The following TSPAN32 variants were observed in gnomAD, a reference collection of about 807,000 sequenced individuals.
TSPAN32 encodes the protein tetraspanin 32, also known as tetraspanin-32.
A neutral mutation model predicts 42.7 loss-of-function variants in TSPAN32; 47 were observed. The ratio of observed to expected loss-of-function variants is 1.10; its 90% CI spans 0.87 to 1.40. The LOEUF is 1.40. Among genes scored for constraint, TSPAN32 ranks in the 40% most tolerant of loss-of-function variants. The probability of loss-of-function intolerance (pLI) is 0.00; values close to 1 mark genes in which losing one functional copy is unlikely to be tolerated. For missense variants in TSPAN32, 469 were observed against 424.1 expected (o/e 1.11, Z -0.93); for synonymous variants, 175 against 175.9 (o/e 0.99, Z 0.04).
At position 2,316,520 on chromosome 11, in the gene TSPAN32, G is replaced by C. The variant is rs1320935640; in HGVS notation, c.628-56G>C. On this transcript the variant is annotated intron_variant, in intron 7 of 9. Coordinates refer to ENST00000182290, the MANE Select transcript of TSPAN32 (RefSeq NM_139022.3). Reference sequence around the variant, plus strand: ...CACTGCAGAGTCCTGATGCTTCCTGGGGAGGGGCGCCCGCACCCTGGGGCA... The same window carrying C: ...CACTGCAGAGTCCTGATGCTTCCTGCGGAGGGGCGCCCGCACCCTGGGGCA... 9 of 1,609,610 alleles carry C rather than the reference G, an allele frequency of 5.6e-6. No individual in the cohort carries two copies. In the East Asian group the frequency reaches 1.6e-4, roughly 28 times the overall value.
chr11:2,314,845 C>A, intron 6 of TSPAN32: 1 of 492,442 alleles, frequency 2.0e-6, no homozygotes, highest in South Asian at 2.2e-5. Context: ...GCGCCATTCA[C>A]TCCTTCAAGC....
chr11:2,306,527 G>A (rs983227135), intron 3 of TSPAN32, among the ~76,000 whole-genome samples: 2 of 149,830 alleles, frequency 1.3e-5, no homozygotes, highest in African/African-American at 4.9e-5. Context: ...TCTCTGCGCG[G>A]GAGGTTGGTG....
rs1207413462 is a variant in TSPAN32 at position 2,317,008 on chromosome 11, G to T, written c.720-336G>T. 6.6e-6 allele frequency among the ~76,000 whole-genome samples: 1 copy of T among 151,986 alleles called. No homozygotes were observed. Among genetic ancestry groups the T allele is most frequent in the East Asian group, 1.9e-4 (1 of 5,176 alleles). On this transcript the variant is annotated intron_variant, in intron 8 of 9. Coordinates refer to ENST00000182290, the MANE Select transcript of TSPAN32 (RefSeq NM_139022.3). This position sits in a 1 kb window ranked among gnomAD's most constrained non-coding sequence, Gnocchi z 6.2. ...CCCCAGAGCTCCTCATGCTTAGGGG[G>T]CAGGGAGGGTCCAACCCACAGCCAG...
Position 2,313,833 on chromosome 11 carries a change from C to A in TSPAN32, c.456+78C>A. 1.7e-6 allele frequency: 2 copies of A among 1,192,592 alleles called. No individual in the cohort carries two copies. Among genetic ancestry groups the A allele is most frequent in the Admixed American group, 2.0e-5 (1 of 49,254 alleles). The allele number at this position is 1,192,592 out of a possible 1,614,324, so 73.9% of individuals were successfully genotyped here. On this transcript the variant is annotated intron_variant, in intron 5 of 9. Transcript: ENST00000182290. The surrounding 1 kb of genome is among the most constrained non-coding windows in gnomAD (Gnocchi z 9.1). ...AGTTCAGAGAACAGGCGCAGGGTGG[C>A]CAGTGAGAGGTCTGGCCAGGCACCG...
intron 6 of TSPAN32, chr11:2,315,896 C>T (rs1197543415): frequency 6.9e-7 from 1 of 1,454,672 alleles, no homozygotes; most frequent in East Asian, 3.1e-5. Flanking sequence ...GGGCTGGATG[C>T]TGGGAACCCA....
Position 2,313,415 on chromosome 11 carries a change from A to G in TSPAN32, c.355-239A>G, listed in dbSNP as rs2133360220. On this transcript the variant is annotated intron_variant, in intron 4 of 9. Transcript: ENST00000182290. This position sits in a 1 kb window ranked among gnomAD's most constrained non-coding sequence, Gnocchi z 9.1. The stretch of plus-strand genomic sequence containing the variant: ...TTATCCTGCGGGACCCTCTGGGGGC[A>G]GGAGGGCCACTCTGACGGCCATTGT... Among the ~76,000 whole-genome samples the G allele has an allele frequency of 6.6e-6, 1 of 152,328 alleles. No homozygotes were observed. The highest frequency in any genetic ancestry group is 1.9e-4 in the East Asian group (1 of 5,186).
At chr11:2,311,009 C>T (rs1474326977) in intron 4 of TSPAN32, among the ~76,000 whole-genome samples, 2 of 152,222 alleles carry the variant, frequency 1.3e-5, no homozygotes, top group Admixed American at 6.5e-5. Flanking sequence ...GGCCAAAGGC[C>T]CCAAGCTGTT....
chr11:2,311,757 C>T (rs1848472460), intron 4 of TSPAN32, among the ~76,000 whole-genome samples: 1 of 152,218 alleles, frequency 6.6e-6, no homozygotes, highest in Non-Finnish European at 1.5e-5. Context: ...GAAGACGGAG[C>T]TTAGTGCGTT....
At chr11:2,312,390 G>A (rs1397729422) in intron 4 of TSPAN32, among the ~76,000 whole-genome samples, 4 of 152,234 alleles carry the variant, frequency 2.6e-5, no homozygotes, top group African/African-American at 9.6e-5. Context: ...CGCCCTGGCC[G>A]ACAGTGGTGT....
At chr11:2,306,502 C>T (rs1589799621) in intron 3 of TSPAN32, among the ~76,000 whole-genome samples, 1 of 152,104 alleles carries the variant, frequency 6.6e-6, no homozygotes, top group African/African-American at 2.4e-5. Flanking sequence ...TGGGCCCATC[C>T]ACCACCCAAG....
Position 2,317,236 on chromosome 11 carries a change from A to T in TSPAN32, c.720-108A>T. 1.2e-6 allele frequency: 1 copy of T among 867,764 alleles called. No homozygotes were observed. The highest frequency in any genetic ancestry group is 1.8e-6 in the Non-Finnish European group (1 of 556,990). The allele number at this position is 867,764 out of a possible 1,614,324, so 53.8% of individuals were successfully genotyped here. A position where few individuals can be genotyped will look rare whatever the true frequency, so the allele number is the denominator to read the frequency against. On this transcript the variant is annotated intron_variant, in intron 8 of 9. Transcript: ENST00000182290. The surrounding 1 kb of genome is among the most constrained non-coding windows in gnomAD (Gnocchi z 6.2). The stretch of plus-strand genomic sequence containing the variant: ...CCACAGCAGCTCCATAATCCCCTCC[A>T]GAACATTCTGCAACAGCCCCATGAT...
In TSPAN32 at chr11:2,304,956, T is replaced by G. The variant is rs1023462269; in HGVS notation, c.279+752T>G. On this transcript the variant is annotated intron_variant, in intron 3 of 9. Coordinates refer to ENST00000182290, the MANE Select transcript of TSPAN32 (RefSeq NM_139022.3). The surrounding 1 kb of genome is among the most constrained non-coding windows in gnomAD (Gnocchi z 4.8). ...GGCGCCCCGGGCTCCCACCTGTCCCTCTAGCCTCCCGTCTCCCCTTTCCAG... is the reference window on the plus strand; with the variant it reads ...GGCGCCCCGGGCTCCCACCTGTCCCGCTAGCCTCCCGTCTCCCCTTTCCAG... Among the ~76,000 whole-genome samples the G allele has an allele frequency of 6.6e-6, 1 of 152,120 alleles. No individual in the cohort carries two copies. Among genetic ancestry groups the G allele is most frequent in the African/African-American group, 2.4e-5 (1 of 41,430 alleles).
chr11:2,314,819 T>TG (rs1848683000), intron 6 of TSPAN32: 2 of 540,934 alleles, frequency 3.7e-6, no homozygotes, highest in Admixed American at 6.4e-5. Context: ...TTTGCCCAGC[T>TG]GGACGCAGGC....
chr11:2,315,209 C>G, intron 6 of TSPAN32: 1 of 1,169,438 alleles, frequency 8.6e-7, no homozygotes, highest in Non-Finnish European at 1.1e-6. Context: ...GCTCCCCTCC[C>G]CTACTGTCCT....
At chr11:2,316,395 C>G in intron 7 of TSPAN32, 83 bp downstream of exon 7, 1 of 1,545,308 alleles carries the variant, frequency 6.5e-7, no homozygotes, top group Non-Finnish European at 8.7e-7. Flanking sequence ...GAAGGGTGAC[C>G]CGGGACAGGA....
chr11:2,315,202 C>G, intron 6 of TSPAN32: 1 of 1,120,692 alleles, frequency 8.9e-7, no homozygotes, highest in South Asian at 1.7e-5. Context: ...CCTCCCCGCT[C>G]CCCTCCCCTA....
In TSPAN32 at chr11:2,316,174, G is replaced by T. The variant is rs531104374; in HGVS notation, c.544-55G>T. On this transcript the variant is annotated intron_variant, in intron 6 of 9. Transcript: ENST00000182290. The stretch of plus-strand genomic sequence containing the variant: ...CTCCATGGCCCCACAGAGGCCGCTT[G>T]TCCAGGCAGGGAGGGCCGCTCAGGG... 4.0e-5 allele frequency: 60 copies of T among 1,514,132 alleles called. No individual in the cohort carries two copies. The African/African-American group carries it at 7.8e-4, about 20-fold the overall frequency. 93.8% of individuals were successfully genotyped at this position (1,514,132 alleles called of 1,614,324 possible).
Position 2,314,812 on chromosome 11 carries a change from G to C in TSPAN32, c.543+241G>C, listed in dbSNP as rs76241111. 4,777 of 552,292 alleles carry C rather than the reference G, an allele frequency of 8.6e-3. 178 individuals carry two copies. Among genetic ancestry groups the C allele is most frequent in the African/African-American group, 0.077 (4,088 of 52,844 alleles). The allele number at this position is 552,292 out of a possible 1,614,324, so 34.2% of individuals were successfully genotyped here. A position where few individuals can be genotyped will look rare whatever the true frequency, so the allele number is the denominator to read the frequency against. ...TCAAGACATAAACACAGGCCCCTTT[G>C]CCCAGCTGGACGCAGGCCCCATGCG... On this transcript the variant is annotated intron_variant, in intron 6 of 9. Transcript: ENST00000182290.
rs7106334 is a variant in TSPAN32 at position 2,303,019 on chromosome 11, C to G, written c.181+61C>G. On this transcript the variant is annotated intron_variant, in intron 2 of 9. Coordinates refer to ENST00000182290, the MANE Select transcript of TSPAN32 (RefSeq NM_139022.3). Reference sequence around the variant, plus strand: ...GCCTCGGGTGCAAGGGTGGCTGGCACGAGCCCAGCTGGACGCCTCACAGCC... The same window carrying G: ...GCCTCGGGTGCAAGGGTGGCTGGCAGGAGCCCAGCTGGACGCCTCACAGCC... The G allele has an allele frequency of 1.6e-5, 23 of 1,473,072 alleles. No individual in the cohort carries two copies. In the African/African-American group the frequency reaches 2.8e-4, roughly 18 times the overall value. The allele number at this position is 1,473,072 out of a possible 1,614,324, so 91.3% of individuals were successfully genotyped here. A position where few individuals can be genotyped will look rare whatever the true frequency, so the allele number is the denominator to read the frequency against.
Sources: gnomAD v4.1 joint callset for allele counts (sites outside exome capture counted in the v4.1 genomes callset) on GRCh38, gnomAD v4.1.1 for gene constraint, Gnocchi (gnomAD v3.1) non-coding constraint, MANE v1.5 for transcripts, NCBI Gene and HGNC (gene_info 2026-07-23, HGNC 2026-07-21) for gene names.